Variants in NAA25 observed in about 807,000 individuals in gnomAD.
NAA25 encodes N-terminal acetyltransferase B complex subunit NAA25.
In NAA25, 30 loss-of-function variants were observed where a neutral mutation model predicts 132.5. The observed-to-expected ratio is 0.23, with a 90% CI of 0.17 to 0.31. The LOEUF (loss-of-function observed/expected upper bound fraction) is 0.31, where lower values mean the gene tolerates loss of function less well. Among genes scored for constraint, NAA25 ranks in the 10% least tolerant of loss-of-function variants. The pLI, the probability that NAA25 is intolerant of heterozygous loss-of-function variation, is 1.00. For synonymous variants in NAA25, 359 were observed against 401.9 expected, an observed-to-expected ratio of 0.89 and a Z score of 1.28; for missense variants, 771 against 1,150.4, an observed-to-expected ratio of 0.67 and a Z score of 4.77.
intron 14 of NAA25, 73 bp downstream of exon 14, chr12:112,054,315 A>C: frequency 1.5e-6 from 2 of 1,334,460 alleles, no homozygotes; most frequent in Non-Finnish European, 2.1e-6. Flanking sequence ...CAACTTTAAA[A>C]TCTAAGTTAG....
intron 7 of NAA25, 21 bp from the exon 8 acceptor site, chr12:112,075,810 A>C (rs2078888231): frequency 5.0e-6 from 8 of 1,601,270 alleles, no homozygotes; most frequent in Middle Eastern, 1.7e-4. Context: ...AAGTTATAAA[A>C]GTTGGTAAGC....
intron 11 of NAA25, among the ~76,000 whole-genome samples, chr12:112,065,954 A>AAAG (rs2078711772): frequency 6.6e-6 from 1 of 152,166 alleles, no homozygotes; most frequent in Admixed American, 6.6e-5. Context: ...GTGGCAGCAA[A>AAAG]ATTACCTCTC....
chr12:112,100,320 C>T (rs963064059), intron 1 of NAA25, among the ~76,000 whole-genome samples: 1 of 152,110 alleles, frequency 6.6e-6, no homozygotes. Flanking sequence ...TACCACCAGG[C>T]CTGGCTAATT....
At chr12:112,059,832 G>A (rs2078599801) in intron 13 of NAA25, among the ~76,000 whole-genome samples, 1 of 149,668 alleles carries the variant, frequency 6.7e-6, no homozygotes, top group Non-Finnish European at 1.5e-5. Flanking sequence ...TTTTGAGACG[G>A]AGTCTTGCTC....
chr12:112,041,457 G>C lies in NAA25; in HGVS notation c.2440+582C>G, dbSNP rs145019625. Among the ~76,000 whole-genome samples the C allele has an allele frequency of 1.1e-4, 17 of 152,092 alleles. 1 individual carries two copies. In the East Asian group the frequency reaches 3.3e-3, roughly 29 times the overall value. ...CCTGCCTCAGCCTCCCAAAGTGCTGGGATTACAGGCCGTGAGTCACCATGC... is the reference window on the plus strand; with the variant it reads ...CCTGCCTCAGCCTCCCAAAGTGCTGCGATTACAGGCCGTGAGTCACCATGC... On this transcript the variant is annotated intron_variant, in intron 20 of 23. Transcript: ENST00000261745.
At chr12:112,066,447 A>C (rs935072046) in intron 11 of NAA25, among the ~76,000 whole-genome samples, 1 of 152,132 alleles carries the variant, frequency 6.6e-6, no homozygotes, top group South Asian at 2.1e-4. Flanking sequence ...ACTAAGAAAG[A>C]TATTTTTCTC....
At chr12:112,102,170 G>A (rs1200421235) in intron 1 of NAA25, among the ~76,000 whole-genome samples, 3 of 151,812 alleles carry the variant, frequency 2.0e-5, no homozygotes, top group Admixed American at 6.6e-5. Context: ...CAGCCTGGGC[G>A]ACAAGAGTGA....
chr12:112,091,784 C>A (rs1158165358), intron 2 of NAA25, among the ~76,000 whole-genome samples: 1 of 151,500 alleles, frequency 6.6e-6, no homozygotes, highest in Non-Finnish European at 1.5e-5. Context: ...ATCATTTGAG[C>A]CTAGAAGGCC....
chr12:112,026,843 T>C lies in NAA25; in HGVS notation c.*2688A>G, dbSNP rs756210381. On this transcript the variant is annotated 3_prime_UTR_variant, in exon 24 of 24. Transcript: ENST00000261745. ...TTTCAATAACAAGCCTGTAGATACA[T>C]TGAAACCCCTTTTTATATTAAAAGT... 12 of 152,312 alleles carry C rather than the reference T, an allele frequency of 7.9e-5. No homozygotes were observed. Among genetic ancestry groups the C allele is most frequent in the African/African-American group, 1.9e-4 (8 of 41,460 alleles). 9.4% of individuals were successfully genotyped at this position (152,312 alleles called of 1,614,324 possible).
intron 1 of NAA25, among the ~76,000 whole-genome samples, chr12:112,103,684 G>A (rs1801160450): frequency 6.6e-6 from 1 of 152,190 alleles, no homozygotes; most frequent in Non-Finnish European, 1.5e-5. Context: ...TTGAGGACCT[G>A]CAAGTTTTCA....
At chr12:112,036,563 T>C (rs533804973) in intron 22 of NAA25, among the ~76,000 whole-genome samples, 1 of 152,160 alleles carries the variant, frequency 6.6e-6, no homozygotes, top group East Asian at 1.9e-4. Context: ...AAATTCTTTA[T>C]GTAGGCCAGG....
intron 11 of NAA25, chr12:112,065,748 A>G (rs2078708336): frequency 6.6e-6 from 1 of 152,186 alleles, no homozygotes. Context: ...AGATTAGAAC[A>G]TCACCCAGGG....
In NAA25 at chr12:112,086,931, C is replaced by T. The variant is rs557313349; in HGVS notation, c.402+752G>A. On this transcript the variant is annotated intron_variant, in intron 4 of 23. Coordinates refer to ENST00000261745, the MANE Select transcript of NAA25 (RefSeq NM_024953.4). ...GAGGCTGAGGCAGAATAGCTTGAACCCAGGAGGCAGAGGTTGCAGTGAGCC... is the reference window on the plus strand; with the variant it reads ...GAGGCTGAGGCAGAATAGCTTGAACTCAGGAGGCAGAGGTTGCAGTGAGCC... Among the ~76,000 whole-genome samples, 21 of 150,496 alleles carry T rather than the reference C, an allele frequency of 1.4e-4. No homozygotes were observed. The South Asian group carries it at 2.9e-3, about 21-fold the overall frequency.
intron 11 of NAA25, among the ~76,000 whole-genome samples, chr12:112,061,707 A>C (rs2078632549): frequency 6.6e-6 from 1 of 152,190 alleles, no homozygotes; most frequent in Non-Finnish European, 1.5e-5. Context: ...ATATTAACAT[A>C]ATATATATTA....
intron 23 of NAA25, among the ~76,000 whole-genome samples, chr12:112,030,167 C>T (rs1004181636): frequency 3.2e-5 from 4 of 125,814 alleles, no homozygotes; most frequent in East Asian, 2.6e-4. Flanking sequence ...GAGCTGAGAT[C>T]GTGCCACTAC....
At chr12:112,037,759 A>C (rs1355993179) in intron 22 of NAA25, 1 of 150,850 alleles carries the variant, frequency 6.6e-6, no homozygotes, top group Non-Finnish European at 1.5e-5. Flanking sequence ...AAAGGACAAC[A>C]TGTCTATATT....
At position 112,108,729 on chromosome 12, in the gene NAA25, G is replaced by T; in HGVS notation, c.45C>A (p.Leu15=). 1 of 1,529,952 alleles carries T rather than the reference G, an allele frequency of 6.5e-7. No individual in the cohort carries two copies. Among genetic ancestry groups the T allele is most frequent in the Non-Finnish European group, 8.8e-7 (1 of 1,136,418 alleles). 94.8% of individuals were successfully genotyped at this position (1,529,952 alleles called of 1,614,324 possible). ...GHVQDPNDRR[L]RPIYDYLDNG... ...CAAGACACTCACCGTAAATGGGCCG[G>T]AGGCGCCTGTCGTTAGGGTCCTGCA... The change falls in exon 1 of 24, where the codon CTC becomes CTA. Residue 15 remains leucine, a synonymous_variant. Coordinates refer to ENST00000261745, the MANE Select transcript of NAA25 (RefSeq NM_024953.4).
chr12:112,108,618 C>T, intron 1 of NAA25, 98 bp downstream of exon 1: 1 of 1,198,276 alleles, frequency 8.3e-7, no homozygotes, highest in Non-Finnish European at 1.0e-6. Flanking sequence ...CCTGCCCGGC[C>T]CGCGCGCCGG....
intron 22 of NAA25, among the ~76,000 whole-genome samples, chr12:112,036,952 G>A (rs1245274331): frequency 6.6e-6 from 1 of 151,898 alleles, no homozygotes; most frequent in Admixed American, 6.6e-5. Flanking sequence ...ACTAGAAGCA[G>A]TGAACCCCAA....
Sources: gnomAD v4.1 joint callset for allele counts (sites outside exome capture counted in the v4.1 genomes callset) on GRCh38, gnomAD v4.1.1 for gene constraint, MANE v1.5 for transcripts, NCBI Gene and HGNC (gene_info 2026-07-23, HGNC 2026-07-21) for gene names.